The following IL1RAPL1 variants were observed in gnomAD, a reference collection of about 807,000 sequenced individuals.
IL1RAPL1 encodes the protein interleukin-1 receptor accessory protein-like 1.
IL1RAPL1 carries 3 observed loss-of-function variants against 48.4 expected under a neutral mutation model. The observed-to-expected ratio is 0.06, with a 90% CI of 0.03 to 0.16. IL1RAPL1 has a LOEUF of 0.16. Ranked by LOEUF, IL1RAPL1 falls within the 10% of genes least tolerant of loss-of-function variation. The probability of loss-of-function intolerance (pLI) is 1.00; values close to 1 mark genes in which losing one functional copy is unlikely to be tolerated. For synonymous variants in IL1RAPL1, 185 were observed against 187.7 expected, an observed-to-expected ratio of 0.99 and a Z score of 0.12; for missense variants, 349 against 530.6, an observed-to-expected ratio of 0.66 and a Z score of 3.36.
At chrX:28,899,120 A>C (rs1334554802) in intron 2 of IL1RAPL1, among the ~76,000 whole-genome samples, 1 of 111,472 alleles carries the variant, frequency 9.0e-6, no homozygotes, top group Non-Finnish European at 1.9e-5. Flanking sequence ...CCAAGGTGGC[A>C]GGAAGGAGAG....
At chrX:29,155,245 C>A (rs1208590152) in intron 2 of IL1RAPL1, among the ~76,000 whole-genome samples, 1 of 111,276 alleles carries the variant, frequency 9.0e-6, no homozygotes, top group Admixed American at 9.6e-5. Flanking sequence ...CTCATGACCT[C>A]AGGTAATCCA....
At chrX:29,263,844 TCTTTCTCTCTCTCTCTC>T (rs1333918200) in intron 2 of IL1RAPL1, among the ~76,000 whole-genome samples, 1 of 70,596 alleles carries the variant, frequency 1.4e-5, no homozygotes, top group Non-Finnish European at 2.7e-5. Context: ...TCTCTCTCTC[TCTTTCTCTCTCTCTCTC>T]CCCCCCCCCC....
intron 6 of IL1RAPL1, among the ~76,000 whole-genome samples, chrX:29,823,440 G>C (rs1930662832): frequency 1.8e-5 from 2 of 111,751 alleles, no homozygotes; most frequent in Admixed American, 1.9e-4. Flanking sequence ...CTGGAAATCA[G>C]GCATCCAAAA....
chrX:29,836,469 A>AGTG (rs1931009766), intron 6 of IL1RAPL1, among the ~76,000 whole-genome samples: 1 of 111,768 alleles, frequency 8.9e-6, no homozygotes, highest in Non-Finnish European at 1.9e-5. Flanking sequence ...GATTACAGGC[A>AGTG]TGAGCCACCG....
In IL1RAPL1 at chrX:29,786,066, G is replaced by T. The variant is rs537623196; in HGVS notation, c.778+117562G>T. The stretch of plus-strand genomic sequence containing the variant: ...GGCCACAGTGTGGGAACATTGGAAA[G>T]TTAGGACTAGAAGTCTCTTGTGAAA... On this transcript the variant is annotated intron_variant, in intron 6 of 10. Coordinates refer to ENST00000378993, the MANE Select transcript of IL1RAPL1 (RefSeq NM_014271.4). Among the ~76,000 whole-genome samples the T allele has an allele frequency of 8.6e-4, 94 of 109,488 alleles. 1 individual carries two copies. The South Asian group carries it at 9.5e-3, about 11-fold the overall frequency.
At chrX:29,514,605 C>A (rs944164201) in intron 5 of IL1RAPL1, among the ~76,000 whole-genome samples, 1 of 111,776 alleles carries the variant, frequency 8.9e-6, no homozygotes, top group Non-Finnish European at 1.9e-5. Context: ...CGCACCACCA[C>A]GCCCGGCTAA....
Position 28,587,770 on chromosome X carries a change from T to C in IL1RAPL1, c.-302T>C, listed in dbSNP as rs1389370815. ...TTTTCTCCTAGTCTGTTTTTTTTTT[T>C]CCTGCTCTGCACCTGGATTGTATCT... On this transcript the variant is annotated 5_prime_UTR_variant, in exon 1 of 11. Transcript: ENST00000378993. 9.7e-6 allele frequency: 1 copy of C among 103,291 alleles called. No individual in the cohort carries two copies. Among genetic ancestry groups the C allele is most frequent in the Non-Finnish European group, 2.0e-5 (1 of 50,709 alleles). 8.5% of individuals were successfully genotyped at this position (103,291 alleles called of 1,213,427 possible). A position where few individuals can be genotyped will look rare whatever the true frequency, so the allele number is the denominator to read the frequency against.
intron 2 of IL1RAPL1, among the ~76,000 whole-genome samples, chrX:28,952,084 G>A (rs1028725947): frequency 6.3e-5 from 7 of 110,913 alleles, no homozygotes; most frequent in African/African-American, 2.3e-4. Flanking sequence ...AATAGGTACC[G>A]TAGAGAATTT....
chrX:29,684,142 C>G (rs897688445), intron 6 of IL1RAPL1, among the ~76,000 whole-genome samples: 18 of 111,434 alleles, frequency 1.6e-4, no homozygotes, highest in Non-Finnish European at 3.2e-4. Context: ...TATGTACCCA[C>G]AAAAATTTTA....
chrX:28,992,780 T>C (rs1470750303), intron 2 of IL1RAPL1, among the ~76,000 whole-genome samples: 1 of 111,878 alleles, frequency 8.9e-6, no homozygotes, highest in Non-Finnish European at 1.9e-5. Context: ...TGTTTAGTGC[T>C]AAATGCTATG....
intron 6 of IL1RAPL1, among the ~76,000 whole-genome samples, chrX:29,776,771 G>A (rs2147154399): frequency 8.9e-6 from 1 of 111,759 alleles, no homozygotes; most frequent in East Asian, 2.8e-4. Context: ...TTTGACAGAA[G>A]TTATCAAAAT....
chrX:29,133,170 T>A (rs1929056931), intron 2 of IL1RAPL1, among the ~76,000 whole-genome samples: 1 of 111,783 alleles, frequency 8.9e-6, no homozygotes. Flanking sequence ...TCTAGGAGTA[T>A]CTATCTACCA....
chrX:28,709,925 A>T (rs1318041763), intron 1 of IL1RAPL1, among the ~76,000 whole-genome samples: 1 of 111,710 alleles, frequency 9.0e-6, no homozygotes, highest in Non-Finnish European at 1.9e-5. Flanking sequence ...GAAAAAAATG[A>T]CATAGATGAC....
chrX:29,948,374 A>C (rs1363650957), intron 9 of IL1RAPL1, among the ~76,000 whole-genome samples: 2 of 112,004 alleles, frequency 1.8e-5, no homozygotes, highest in Non-Finnish European at 3.8e-5. Context: ...AATTTATTTT[A>C]CAACAATTGC....
At chrX:29,176,336 C>A (rs1172821462) in intron 2 of IL1RAPL1, among the ~76,000 whole-genome samples, 2 of 105,882 alleles carry the variant, frequency 1.9e-5, no homozygotes, top group African/African-American at 6.9e-5. Flanking sequence ...AATCTCCTGA[C>A]CTCATGATCC....
At chrX:29,924,700 T>G (rs1932871944) in intron 8 of IL1RAPL1, among the ~76,000 whole-genome samples, 1 of 111,910 alleles carries the variant, frequency 8.9e-6, no homozygotes, top group South Asian at 3.7e-4. Flanking sequence ...AATATGGCAA[T>G]TCATTAATCA....
At chrX:28,954,056 A>T (rs16988396) in intron 2 of IL1RAPL1, among the ~76,000 whole-genome samples, 5,188 of 111,314 alleles carry the variant, frequency 0.047, 300 homozygotes, top group African/African-American at 0.16. Flanking sequence ...TAACTCAAAT[A>T]TTTTCATTGT....
chrX:29,775,957 C>G (rs981687423), intron 6 of IL1RAPL1, among the ~76,000 whole-genome samples: 1 of 111,146 alleles, frequency 9.0e-6, no homozygotes, highest in Non-Finnish European at 1.9e-5. Flanking sequence ...TACCTTTACT[C>G]TAATAACATC....
At chrX:29,286,571 C>T (rs1230389728) in intron 3 of IL1RAPL1, among the ~76,000 whole-genome samples, 3 of 111,124 alleles carry the variant, frequency 2.7e-5, no homozygotes, top group Non-Finnish European at 5.7e-5. Flanking sequence ...CACCTATAGT[C>T]CTAGCTACTC....
Sources: allele counts gnomAD v4.1 joint callset (sites outside exome capture counted in the v4.1 genomes callset), GRCh38; gene constraint gnomAD v4.1.1; transcripts MANE v1.5; gene names NCBI Gene and HGNC (gene_info 2026-07-23, HGNC 2026-07-21).